Variants in NELL1 observed in about 807,000 individuals in gnomAD.
NELL1 encodes neural EGFL like 1.
NELL1 carries 76 observed loss-of-function variants against 107.4 expected under a neutral mutation model. The ratio of observed to expected loss-of-function variants is 0.71; its 90% CI spans 0.59 to 0.86. The LOEUF (loss-of-function observed/expected upper bound fraction) is 0.86, where lower values mean the gene tolerates loss of function less well. NELL1 is among the 40% of genes least tolerant of loss of function. NELL1 has a pLI of 0.00. For missense variants in NELL1, 1,024 were observed against 1,005.5 expected, an observed-to-expected ratio of 1.02 and a Z score of -0.25; for synonymous variants, 353 against 341.2, an observed-to-expected ratio of 1.03 and a Z score of -0.38.
intron 3 of NELL1, among the ~76,000 whole-genome samples, chr11:20,798,875 T>C (rs530339131): frequency 6.6e-6 from 1 of 152,352 alleles, no homozygotes; most frequent in South Asian, 2.1e-4. Flanking sequence ...TGGACACTTA[T>C]CTGTGGGCTA....
At chr11:21,455,252 T>C (rs1264976766) in intron 15 of NELL1, among the ~76,000 whole-genome samples, 2 of 151,820 alleles carry the variant, frequency 1.3e-5, no homozygotes, top group East Asian at 1.9e-4. Context: ...TCATAGTCAT[T>C]TGATCACATT....
intron 4 of NELL1, among the ~76,000 whole-genome samples, chr11:20,850,297 T>C (rs1351672527): frequency 2.6e-5 from 4 of 152,172 alleles, no homozygotes; most frequent in African/African-American, 9.7e-5. Flanking sequence ...ATTACTACTT[T>C]GTGATTCTTA....
intron 15 of NELL1, among the ~76,000 whole-genome samples, chr11:21,454,840 G>A (rs975678564): frequency 2.6e-5 from 4 of 152,140 alleles, no homozygotes; most frequent in Non-Finnish European, 5.9e-5. Flanking sequence ...CTTCACCTTC[G>A]TGACATCATC....
chr11:21,422,908 T>A (rs1295736057), intron 15 of NELL1, among the ~76,000 whole-genome samples: 2 of 152,114 alleles, frequency 1.3e-5, no homozygotes, highest in Non-Finnish European at 2.9e-5. Context: ...ATGGGTTTTT[T>A]AAACAAAACA....
chr11:20,844,308 A>G (rs893392604), intron 3 of NELL1, among the ~76,000 whole-genome samples: 1 of 152,160 alleles, frequency 6.6e-6, no homozygotes, highest in African/African-American at 2.4e-5. Context: ...GGAGCCAGGG[A>G]AGCTTGGCTT....
intron 3 of NELL1, among the ~76,000 whole-genome samples, chr11:20,805,554 C>G (rs530454329): frequency 1.3e-5 from 2 of 152,170 alleles, no homozygotes; most frequent in African/African-American, 4.8e-5. Flanking sequence ...GAGTCTCGCT[C>G]TATTACCCAG....
At chr11:21,358,281 G>C (rs1850985197) in intron 14 of NELL1, among the ~76,000 whole-genome samples, 1 of 152,198 alleles carries the variant, frequency 6.6e-6, no homozygotes, top group Non-Finnish European at 1.5e-5. Context: ...CATGAGCATA[G>C]GATGTGTCTC....
Position 21,229,348 on chromosome 11 carries a change from C to T in NELL1, c.1443C>T (p.Gly481=). ...DFSCTEHDEC[G]SGQHNCDENA... The stretch of plus-strand genomic sequence containing the variant: ...TGGAAACAGAACACGATGAATGTGG[C>T]AGCGGCCAGCACAACTGTGATGAGA... Residue 481 remains glycine (G), a synonymous_variant, in exon 14 of 20, where the codon GGC becomes GGT. Coordinates refer to ENST00000357134, the MANE Select transcript of NELL1 (RefSeq NM_006157.5). 6.2e-7 allele frequency: 1 copy of T among 1,613,888 alleles called. No homozygotes were observed. Among genetic ancestry groups the T allele is most frequent in the Non-Finnish European group, 8.5e-7 (1 of 1,179,850 alleles).
chr11:21,470,978 T>C (rs536650669), intron 15 of NELL1, among the ~76,000 whole-genome samples: 1 of 152,280 alleles, frequency 6.6e-6, no homozygotes, highest in South Asian at 2.1e-4. Context: ...ATTTTTTACA[T>C]AATAGTCACT....
intron 14 of NELL1, among the ~76,000 whole-genome samples, chr11:21,310,773 G>C (rs1565161357): frequency 6.6e-6 from 1 of 152,006 alleles, no homozygotes; most frequent in Non-Finnish European, 1.5e-5. Flanking sequence ...TGCTATGCAG[G>C]TTCAGAGATG....
In NELL1 at chr11:20,730,182, T is replaced by G. The variant is rs191164181; in HGVS notation, c.184+52122T>G. ...ATTCCTGTCCTTTAAGATATGAAAG[T>G]ATAGTTGGAAAATAAGCAAATATGT... On this transcript the variant is annotated intron_variant, in intron 2 of 19. Coordinates refer to ENST00000357134, the MANE Select transcript of NELL1 (RefSeq NM_006157.5). Among the ~76,000 whole-genome samples the G allele has an allele frequency of 8.8e-4, 134 of 152,240 alleles. 1 individual carries two copies. The highest frequency in any genetic ancestry group is 2.9e-3 in the African/African-American group (120 of 41,538).
At chr11:21,279,962 T>C (rs1213899823) in intron 14 of NELL1, among the ~76,000 whole-genome samples, 1 of 152,200 alleles carries the variant, frequency 6.6e-6, no homozygotes. Flanking sequence ...GAAGCCGATC[T>C]GCAAATGTCA....
chr11:21,113,780 A>G, intron 13 of NELL1, 66 bp downstream of exon 13: 1 of 1,529,846 alleles, frequency 6.5e-7, no homozygotes. Context: ...CTGTGTTATT[A>G]TGTTTAATTC....
At chr11:21,257,819 G>A (rs1858807954) in intron 14 of NELL1, among the ~76,000 whole-genome samples, 2 of 151,968 alleles carry the variant, frequency 1.3e-5, no homozygotes, top group African/African-American at 2.4e-5. Context: ...TTAATGGTAG[G>A]AGGGGATTAT....
In NELL1 at chr11:20,848,530, G is replaced by C. The variant is rs576980965; in HGVS notation, c.506+777G>C. The stretch of plus-strand genomic sequence containing the variant: ...AACCCACTGAAGATCCTTATGGATA[G>C]TGACCCGAGTCCAATTACAGAGTTT... On this transcript the variant is annotated intron_variant, in intron 4 of 19. Coordinates refer to ENST00000357134, the MANE Select transcript of NELL1 (RefSeq NM_006157.5). Among the ~76,000 whole-genome samples the C allele has an allele frequency of 9.5e-4, 145 of 152,266 alleles. No individual in the cohort carries two copies. In the Middle Eastern group the frequency reaches 0.017, roughly 18 times the overall value.
chr11:20,969,656 AT>A (rs1266143792), intron 12 of NELL1, among the ~76,000 whole-genome samples: 2 of 144,702 alleles, frequency 1.4e-5, no homozygotes, highest in African/African-American at 5.2e-5. Flanking sequence ...CAGGGGAGTG[AT>A]GTAGTAAAGA....
intron 12 of NELL1, among the ~76,000 whole-genome samples, chr11:21,033,904 GTTTTT>G: frequency 6.6e-6 from 1 of 152,170 alleles, no homozygotes; most frequent in Admixed American, 6.5e-5. Context: ...AGCATCTGTT[GTTTTT>G]TGGACTTTTT....
chr11:21,142,482 A>G (rs914993406), intron 13 of NELL1, among the ~76,000 whole-genome samples: 5 of 152,256 alleles, frequency 3.3e-5, no homozygotes, highest in Non-Finnish European at 5.9e-5. Flanking sequence ...GAACTGAGTT[A>G]TATATAAAAA....
chr11:21,508,038 C>A (rs1259328337), intron 15 of NELL1, among the ~76,000 whole-genome samples: 1 of 151,980 alleles, frequency 6.6e-6, no homozygotes, highest in East Asian at 1.9e-4. Flanking sequence ...CCTGCCTCAG[C>A]CTCCCAAAGT....
Sources: gnomAD v4.1 joint callset for allele counts (sites outside exome capture counted in the v4.1 genomes callset) on GRCh38, gnomAD v4.1.1 for gene constraint, MANE v1.5 for transcripts, NCBI Gene and HGNC (gene_info 2026-07-23, HGNC 2026-07-21) for gene names.